Variants in WNK3 observed in about 807,000 individuals in gnomAD.
WNK3 encodes the protein serine/threonine-protein kinase WNK3.
In WNK3, 18 loss-of-function variants were observed where a neutral mutation model predicts 116.7. That is an observed-to-expected ratio of 0.15 (90% confidence interval 0.11 to 0.23). The LOEUF is 0.23. Ranked by LOEUF, WNK3 falls within the 10% of genes least tolerant of loss-of-function variation. The pLI, the probability that WNK3 is intolerant of heterozygous loss-of-function variation, is 1.00. For synonymous variants in WNK3, 404 were observed against 469.4 expected, an observed-to-expected ratio of 0.86 and a Z score of 1.80; for missense variants, 993 against 1,323.8, an observed-to-expected ratio of 0.75 and a Z score of 3.88.
chrX:54,337,382 G>C (rs1171391160), intron 1 of WNK3, among the ~76,000 whole-genome samples: 2 of 109,041 alleles, frequency 1.8e-5, no homozygotes, highest in Non-Finnish European at 3.8e-5. Flanking sequence ...CCAAGATGGT[G>C]AAACCTCATC....
intron 20 of WNK3, among the ~76,000 whole-genome samples, chrX:54,234,312 C>T (rs2067937669): frequency 9.0e-6 from 1 of 111,379 alleles, no homozygotes; most frequent in Admixed American, 9.6e-5. Flanking sequence ...GTAGAGGCTG[C>T]AATGATCCAT....
At chrX:54,335,560 G>A (rs2069224254) in intron 1 of WNK3, among the ~76,000 whole-genome samples, 1 of 110,779 alleles carries the variant, frequency 9.0e-6, no homozygotes, top group Admixed American at 9.8e-5. Flanking sequence ...CACCTCAAAG[G>A]GCGCAGTTTG....
At chrX:54,265,652 G>A (rs782046689) in intron 10 of WNK3, among the ~76,000 whole-genome samples, 9 of 112,068 alleles carry the variant, frequency 8.0e-5, no homozygotes, top group Non-Finnish European at 1.3e-4. Flanking sequence ...GACATGTTGT[G>A]ACCTGCATTT....
chrX:54,308,635 C>T (rs1350280080), intron 4 of WNK3, among the ~76,000 whole-genome samples: 2 of 111,967 alleles, frequency 1.8e-5, no homozygotes, highest in African/African-American at 6.5e-5. Flanking sequence ...TTATTTCTAT[C>T]CTTTTTACTT....
At chrX:54,291,507 T>G (rs1185091265) in intron 10 of WNK3, among the ~76,000 whole-genome samples, 1 of 112,131 alleles carries the variant, frequency 8.9e-6, no homozygotes, top group East Asian at 2.8e-4. Context: ...TGTATGCTTA[T>G]GTAAATTGAA....
intron 22 of WNK3, among the ~76,000 whole-genome samples, chrX:54,218,741 G>A (rs925889681): frequency 1.8e-5 from 2 of 109,439 alleles, no homozygotes; most frequent in African/African-American, 6.7e-5. Flanking sequence ...AAAATTAGCC[G>A]GGTGTGGTGG....
intron 22 of WNK3, among the ~76,000 whole-genome samples, chrX:54,228,438 T>C (rs1449412897): frequency 1.8e-5 from 2 of 111,887 alleles, no homozygotes; most frequent in Non-Finnish European, 3.8e-5. Context: ...TGTTTCAGCA[T>C]AGGCAAATCT....
At chrX:54,313,990 G>C (rs1164088347) in intron 2 of WNK3, among the ~76,000 whole-genome samples, 3 of 108,733 alleles carry the variant, frequency 2.8e-5, no homozygotes, top group Non-Finnish European at 5.7e-5. Context: ...TCAGGAGCTC[G>C]AGACCAGCCT....
intron 22 of WNK3, among the ~76,000 whole-genome samples, chrX:54,216,648 ATCAC>A (rs1267389171): frequency 9.0e-6 from 1 of 111,679 alleles, no homozygotes; most frequent in Non-Finnish European, 1.9e-5. Context: ...GAAGGTGCCA[ATCAC>A]TCACTTCTGG....
intron 23 of WNK3, among the ~76,000 whole-genome samples, 154 bp downstream of exon 23, chrX:54,201,837 G>T (rs1432466726): frequency 1.8e-5 from 2 of 111,833 alleles, no homozygotes; most frequent in African/African-American, 6.5e-5. Flanking sequence ...AATATAATTT[G>T]CTCAAAGACA....
intron 22 of WNK3, among the ~76,000 whole-genome samples, chrX:54,217,962 A>C (rs185953715): frequency 1.1e-3 from 123 of 111,997 alleles, no homozygotes; most frequent in African/African-American, 3.7e-3. Context: ...AGAGACACGC[A>C]AAGAAACAGG....
chrX:54,270,334 A>G (rs924098063), intron 10 of WNK3, among the ~76,000 whole-genome samples: 2 of 106,869 alleles, frequency 1.9e-5, no homozygotes, highest in African/African-American at 6.9e-5. Context: ...TGAACTCCCG[A>G]CCTCAGGCCC....
intron 10 of WNK3, among the ~76,000 whole-genome samples, chrX:54,285,875 T>C (rs1270091597): frequency 8.9e-6 from 1 of 112,141 alleles, no homozygotes; most frequent in Non-Finnish European, 1.9e-5. Flanking sequence ...TATGTATTTA[T>C]GGATGATGTA....
intron 1 of WNK3, among the ~76,000 whole-genome samples, chrX:54,341,064 T>G (rs1280360753): frequency 1.8e-5 from 2 of 112,126 alleles, no homozygotes; most frequent in Non-Finnish European, 3.8e-5. Context: ...GTCTATCAAC[T>G]GATGAATGGA....
chrX:54,298,866 C>A (rs898426263), intron 6 of WNK3, among the ~76,000 whole-genome samples: 3 of 112,226 alleles, frequency 2.7e-5, no homozygotes, highest in Admixed American at 9.5e-5. Flanking sequence ...AAAATTCAAA[C>A]TCTTTTTACG....
At chrX:54,256,796 C>T (rs2068197135) in intron 11 of WNK3, among the ~76,000 whole-genome samples, 1 of 112,384 alleles carries the variant, frequency 8.9e-6, no homozygotes, top group South Asian at 3.7e-4. Context: ...GAAGAAGATA[C>T]ATTAATACTG....
intron 22 of WNK3, among the ~76,000 whole-genome samples, chrX:54,215,564 C>T (rs1424928721): frequency 8.9e-6 from 1 of 112,541 alleles, no homozygotes; most frequent in African/African-American, 3.2e-5. Context: ...AGCCGCCTGC[C>T]TTGGCCTCCC....
chrX:54,339,549 G>A (rs1484582290), intron 1 of WNK3, among the ~76,000 whole-genome samples: 5 of 111,509 alleles, frequency 4.5e-5, no homozygotes, highest in African/African-American at 1.6e-4. Context: ...AGACATATAG[G>A]TCAATAGAAC....
intron 2 of WNK3, among the ~76,000 whole-genome samples, chrX:54,331,935 A>G (rs1557174308): frequency 9.0e-6 from 1 of 111,535 alleles, no homozygotes; most frequent in African/African-American, 3.3e-5. Flanking sequence ...ATACATATAC[A>G]CCTACACTCA....
Sources: allele counts gnomAD v4.1 joint callset (sites outside exome capture counted in the v4.1 genomes callset), GRCh38; gene constraint gnomAD v4.1.1; transcripts MANE v1.5; gene names NCBI Gene and HGNC (gene_info 2026-07-23, HGNC 2026-07-21).